C16orf87: variants seen among roughly 807,000 people sequenced by gnomAD.
C16orf87 encodes the protein UPF0547 protein C16orf87.
Under a neutral mutation model 21.0 loss-of-function variants are expected in C16orf87, and 13 were observed. The observed-to-expected ratio is 0.62, with a 90% CI of 0.40 to 0.98. C16orf87 has a LOEUF of 0.98. Among genes scored for constraint, C16orf87 ranks in the 50% least tolerant of loss-of-function variants. The probability of loss-of-function intolerance (pLI) is 0.00; values close to 1 mark genes in which losing one functional copy is unlikely to be tolerated. For missense variants in C16orf87, 113 were observed against 180.4 expected (o/e 0.63, Z 2.14); for synonymous variants, 49 against 60.2 (o/e 0.81, Z 0.86).
At position 46,799,947 on chromosome 16, in the gene C16orf87, C is replaced by T. The variant is rs1459386508; in HGVS notation, c.*3005G>A. 6.6e-6 allele frequency: 1 copy of T among 152,152 alleles called. No homozygotes were observed. The allele number at this position is 152,152 out of a possible 1,614,324, so 9.4% of individuals were successfully genotyped here. A position where few individuals can be genotyped will look rare whatever the true frequency, so the allele number is the denominator to read the frequency against. ...AGCCACCATGCCTGGCCAATTAATA[C>T]TTTATATAAAAGTAAGTAAAGAGCT... On this transcript the variant is annotated 3_prime_UTR_variant, in exon 4 of 4. Coordinates refer to ENST00000285697, the MANE Select transcript of C16orf87 (RefSeq NM_001001436.4).
At chr16:46,828,639 AACTTACAC>A (rs767126960) in intron 1 of C16orf87, among the ~76,000 whole-genome samples, 111 of 152,314 alleles carry the variant, frequency 7.3e-4, no homozygotes, top group Non-Finnish European at 1.4e-3. Flanking sequence ...CCATTTTTCA[AACTTACAC>A]ACCCACATAA....
intron 2 of C16orf87, among the ~76,000 whole-genome samples, chr16:46,812,194 A>C (rs1056599522): frequency 1.3e-5 from 2 of 152,116 alleles, no homozygotes; most frequent in African/African-American, 4.8e-5. Flanking sequence ...CAGTGAGCTG[A>C]GATCGTGCCA....
chr16:46,811,421 A>C (rs1057357318), intron 2 of C16orf87, among the ~76,000 whole-genome samples: 3 of 151,660 alleles, frequency 2.0e-5, no homozygotes, highest in African/African-American at 7.3e-5. Context: ...GAGAATCGTT[A>C]GAACCTAGGA....
Position 46,797,004 on chromosome 16 carries a change from C to T in C16orf87, c.*5948G>A, listed in dbSNP as rs1967626661. The T allele has an allele frequency of 2.0e-5, 3 of 152,180 alleles. No individual in the cohort carries two copies. In the East Asian group the frequency reaches 5.8e-4, roughly 29 times the overall value. The allele number at this position is 152,180 out of a possible 1,614,324, so 9.4% of individuals were successfully genotyped here. On this transcript the variant is annotated 3_prime_UTR_variant, in exon 4 of 4. Transcript: ENST00000285697. ...CATGTTTCATACAGGGGAAATATTA[C>T]TTTAATGGCTGCACATTTCTCATCA...
At chr16:46,828,059 C>A (rs1317952483) in intron 1 of C16orf87, among the ~76,000 whole-genome samples, 2 of 151,940 alleles carry the variant, frequency 1.3e-5, no homozygotes, top group African/African-American at 4.8e-5. Context: ...CTCAGCCTCC[C>A]GAGTAGCTGG....
chr16:46,812,675 G>GCTA (rs1334081536), intron 2 of C16orf87, among the ~76,000 whole-genome samples: 1 of 152,156 alleles, frequency 6.6e-6, no homozygotes, highest in African/African-American at 2.4e-5. Context: ...TGTTCCCCCA[G>GCTA]CTACCCAGTC....
chr16:46,805,451 C>T (rs1210289883), intron 3 of C16orf87, among the ~76,000 whole-genome samples: 1 of 151,972 alleles, frequency 6.6e-6, no homozygotes, highest in Non-Finnish European at 1.5e-5. Flanking sequence ...GCTTTTTGAC[C>T]TCTGCAATTT....
chr16:46,821,507 A>G (rs941699396), intron 2 of C16orf87, among the ~76,000 whole-genome samples: 1 of 152,088 alleles, frequency 6.6e-6, no homozygotes, highest in African/African-American at 2.4e-5. Context: ...CTGGGCTTCA[A>G]TGTTTCATCT....
chr16:46,802,973 G>T lies in C16orf87; in HGVS notation c.444C>A (p.Ile148=). The change falls in exon 4 of 4, where the codon ATC becomes ATA. Residue 148 remains isoleucine, a synonymous_variant. Transcript: ENST00000285697. ...VALAEINRKI[I]NQRLIL ...AGTATCAGAGAATAAGTCTTTGATTGATAATTTTTCTATTTATTTCTGCCA... is the reference window on the plus strand; with the variant it reads ...AGTATCAGAGAATAAGTCTTTGATTTATAATTTTTCTATTTATTTCTGCCA... 1 of 1,578,788 alleles carries T rather than the reference G, an allele frequency of 6.3e-7. No individual in the cohort carries two copies. Among genetic ancestry groups the T allele is most frequent in the Non-Finnish European group, 8.7e-7 (1 of 1,148,904 alleles).
chr16:46,821,154 T>G (rs1258339603), intron 2 of C16orf87, among the ~76,000 whole-genome samples: 1 of 152,210 alleles, frequency 6.6e-6, no homozygotes, highest in African/African-American at 2.4e-5. Context: ...AAACGAGAAT[T>G]ACTGAGTACC....
chr16:46,827,664 C>T (rs183111740), intron 1 of C16orf87, among the ~76,000 whole-genome samples: 5 of 151,876 alleles, frequency 3.3e-5, no homozygotes, highest in African/African-American at 1.2e-4. Context: ...CTCACTGCAA[C>T]CTCTGCCTCC....
intron 3 of C16orf87, chr16:46,808,232 G>C (rs957758428): frequency 5.0e-6 from 2 of 399,624 alleles, no homozygotes; most frequent in Non-Finnish European, 9.8e-6. Flanking sequence ...AAGGAATATG[G>C]AGTACCTTAG....
chr16:46,808,271 C>T (rs1423177434), intron 3 of C16orf87: 1 of 351,182 alleles, frequency 2.8e-6, no homozygotes, highest in African/African-American at 2.2e-5. Flanking sequence ...CAGTCAAAAC[C>T]GATATAAACC....
At chr16:46,831,003 G>A (rs1959837838) in intron 1 of C16orf87, 81 bp downstream of exon 1, 7 of 1,161,192 alleles carry the variant, frequency 6.0e-6, no homozygotes, top group South Asian at 3.0e-5. Flanking sequence ...CGGCCTCCGG[G>A]AGCCCGGCGA....
intron 3 of C16orf87, among the ~76,000 whole-genome samples, chr16:46,808,741 T>C (rs1299392298): frequency 2.0e-5 from 3 of 152,148 alleles, no homozygotes; most frequent in Middle Eastern, 3.4e-3. Context: ...AAAAGATGCA[T>C]AAATCAAAGA....
At chr16:46,816,427 G>A (rs1402693112) in intron 2 of C16orf87, among the ~76,000 whole-genome samples, 1 of 152,106 alleles carries the variant, frequency 6.6e-6, no homozygotes, top group East Asian at 1.9e-4. Context: ...AAAATTCTAT[G>A]AAAAAGAATA....
At position 46,798,696 on chromosome 16, in the gene C16orf87, A is replaced by T. The variant is rs1338640229; in HGVS notation, c.*4256T>A. The T allele has an allele frequency of 6.6e-6, 1 of 152,572 alleles. No individual in the cohort carries two copies. The highest frequency in any genetic ancestry group is 1.9e-4 in the East Asian group (1 of 5,204). 9.5% of individuals were successfully genotyped at this position (152,572 alleles called of 1,614,324 possible). ...GAGGCAGAGGGTGCAGTGAGCCAAG[A>T]TCGCACCATTGCACTCCAGCCTGGG... On this transcript the variant is annotated 3_prime_UTR_variant, in exon 4 of 4. Coordinates refer to ENST00000285697, the MANE Select transcript of C16orf87 (RefSeq NM_001001436.4).
At chr16:46,829,589 G>T (rs575622151) in intron 1 of C16orf87, among the ~76,000 whole-genome samples, 2 of 152,270 alleles carry the variant, frequency 1.3e-5, no homozygotes, top group East Asian at 1.9e-4. Context: ...AATTGGAAAT[G>T]ATTTAAACAC....
At chr16:46,806,371 C>T (rs1967928411) in intron 3 of C16orf87, among the ~76,000 whole-genome samples, 2 of 151,814 alleles carry the variant, frequency 1.3e-5, no homozygotes, top group Admixed American at 1.3e-4. Flanking sequence ...GATTCTCCTG[C>T]CTCAGCCTCC....
Sources: gnomAD v4.1 joint callset for allele counts (sites outside exome capture counted in the v4.1 genomes callset) on GRCh38, gnomAD v4.1.1 for gene constraint, MANE v1.5 for transcripts, NCBI Gene and HGNC (gene_info 2026-07-23, HGNC 2026-07-21) for gene names.